The following NOL10 variants were observed in gnomAD, a reference collection of about 807,000 sequenced individuals.
NOL10 encodes nucleolar protein 10.
NOL10 carries 58 observed loss-of-function variants against 103.5 expected under a neutral mutation model. The ratio of observed to expected loss-of-function variants is 0.56; its 90% CI spans 0.45 to 0.70. The LOEUF is 0.70. NOL10 is among the 30% of genes least tolerant of loss of function. NOL10 has a pLI of 0.00. For synonymous variants in NOL10, 287 were observed against 282.5 expected, an observed-to-expected ratio of 1.02 and a Z score of -0.16; for missense variants, 763 against 807.3, an observed-to-expected ratio of 0.95 and a Z score of 0.67.
rs568764646 is a variant in NOL10 at position 10,596,492 on chromosome 2, G to A, written c.1422+4361C>T. 2.6e-5 allele frequency among the ~76,000 whole-genome samples: 4 copies of A among 152,218 alleles called. No homozygotes were observed. In the East Asian group the frequency reaches 5.8e-4, roughly 22 times the overall value. ...GGCATTAGATTCTCATAAGGAGCTC[G>A]CAACCTAGATCCCTCGCATGCGCAG... On this transcript the variant is annotated intron_variant, in intron 17 of 20. Coordinates refer to ENST00000381685, the MANE Select transcript of NOL10 (RefSeq NM_024894.4).
chr2:10,605,180 A>G (rs1676183708), intron 14 of NOL10, among the ~76,000 whole-genome samples: 1 of 152,224 alleles, frequency 6.6e-6, no homozygotes, highest in African/African-American at 2.4e-5. Context: ...AACCCATGTC[A>G]GTCTACCTGT....
chr2:10,655,817 C>T (rs1243348761), intron 11 of NOL10, among the ~76,000 whole-genome samples: 2 of 152,182 alleles, frequency 1.3e-5, no homozygotes, highest in African/African-American at 2.4e-5. Context: ...TAAGTGCCCA[C>T]GGCGAAAAAG....
intron 6 of NOL10, 77 bp from the exon 7 acceptor site, chr2:10,668,800 A>T: frequency 1.8e-6 from 1 of 545,026 alleles, no homozygotes. Context: ...TTATAAATAT[A>T]TATATTACTC....
intron 19 of NOL10, among the ~76,000 whole-genome samples, chr2:10,583,041 C>G (rs1674841446): frequency 6.6e-6 from 1 of 152,194 alleles, no homozygotes; most frequent in Non-Finnish European, 1.5e-5. Flanking sequence ...CTTTTCCCAG[C>G]CTTCATTCCT....
intron 19 of NOL10, among the ~76,000 whole-genome samples, chr2:10,582,076 T>C (rs761220564): frequency 1.4e-4 from 21 of 152,212 alleles, no homozygotes; most frequent in Non-Finnish European, 3.1e-4. Context: ...CAAGATTCTC[T>C]TTTTAAAAAT....
At chr2:10,585,459 T>C (rs1019265070) in intron 19 of NOL10, among the ~76,000 whole-genome samples, 1 of 152,176 alleles carries the variant, frequency 6.6e-6, no homozygotes, top group Non-Finnish European at 1.5e-5. Flanking sequence ...TGAAAACATA[T>C]GCAAAACACA....
chr2:10,681,956 CA>C lies in NOL10; in HGVS notation c.211+14del, dbSNP rs1323623053. 12 of 1,253,262 alleles carry C rather than the reference CA, an allele frequency of 9.6e-6. No homozygotes were observed. 77.6% of individuals were successfully genotyped at this position (1,253,262 alleles called of 1,614,324 possible). On this transcript the variant is annotated intron_variant, in intron 3 of 20. Transcript: ENST00000381685. ...GTACAAAATGCATGAAAATCATAAC[CA>C]AAAAGATGCTTACCAGTTGCTAAAA...
At chr2:10,580,359 T>TCCCCCCCCCCCCCCCCCCC (rs1674681303) in intron 19 of NOL10, among the ~76,000 whole-genome samples, 1 of 111,746 alleles carries the variant, frequency 8.9e-6, no homozygotes, top group Non-Finnish European at 1.8e-5. Flanking sequence ...CCCCCTCCTC[T>TCCCCCCCCCCCCCCCCCCC]CCCCTCCCCC....
chr2:10,622,184 G>A (rs111542267), intron 13 of NOL10: 1 of 470,862 alleles, frequency 2.1e-6, no homozygotes, highest in Non-Finnish European at 4.4e-6. Flanking sequence ...GTTAACACAG[G>A]AAACTATGTA....
intron 17 of NOL10, among the ~76,000 whole-genome samples, chr2:10,594,121 C>G (rs543205105): frequency 3.0e-4 from 44 of 145,746 alleles, no homozygotes; most frequent in African/African-American, 9.8e-4. Context: ...GAAGACCGAA[C>G]TTCTAGACTG....
chr2:10,630,644 G>A (rs1266944687), intron 13 of NOL10, among the ~76,000 whole-genome samples: 1 of 152,146 alleles, frequency 6.6e-6, no homozygotes, highest in African/African-American at 2.4e-5. Flanking sequence ...GAACCTGGGA[G>A]GTGAAGCTTG....
chr2:10,572,304 G>A, intron 20 of NOL10, 114 bp from the exon 21 acceptor site: 1 of 1,134,476 alleles, frequency 8.8e-7, no homozygotes, highest in Middle Eastern at 2.0e-4. Flanking sequence ...GCTGCCAGGA[G>A]AAATGCTGCC....
chr2:10,676,225 T>C (rs917008444), intron 3 of NOL10, among the ~76,000 whole-genome samples: 2 of 152,224 alleles, frequency 1.3e-5, no homozygotes, highest in African/African-American at 4.8e-5. Flanking sequence ...TTGATTAGTA[T>C]ACAATTGATA....
At chr2:10,646,369 C>T (rs114986093) in intron 12 of NOL10, among the ~76,000 whole-genome samples, 4,909 of 152,272 alleles carry the variant, frequency 0.032, 277 homozygotes, top group African/African-American at 0.11. Flanking sequence ...ACCTACCAAA[C>T]AAACCACGGA....
chr2:10,640,782 T>C (rs1167771310), intron 13 of NOL10, among the ~76,000 whole-genome samples: 1 of 152,214 alleles, frequency 6.6e-6, no homozygotes, highest in African/African-American at 2.4e-5. Flanking sequence ...ATAATAGACA[T>C]GTCATAAACC....
intron 20 of NOL10, among the ~76,000 whole-genome samples, chr2:10,574,404 T>C (rs1027034261): frequency 1.3e-5 from 2 of 152,118 alleles, no homozygotes; most frequent in African/African-American, 4.8e-5. Context: ...TCCCAGCACT[T>C]TGGGAGGCTG....
chr2:10,641,084 GC>G (rs1197658928), intron 13 of NOL10, among the ~76,000 whole-genome samples: 1 of 151,736 alleles, frequency 6.6e-6, no homozygotes, highest in African/African-American at 2.4e-5. Context: ...ACTTCAGGAG[GC>G]CGAGGCAGGT....
At chr2:10,649,104 T>G (rs1679282614) in intron 12 of NOL10, among the ~76,000 whole-genome samples, 1 of 152,192 alleles carries the variant, frequency 6.6e-6, no homozygotes, top group South Asian at 2.1e-4. Flanking sequence ...ATTTCAATGA[T>G]TTTCAGGAGA....
chr2:10,659,354 G>C (rs79804785), intron 9 of NOL10, 104 bp from the exon 10 acceptor site: 11 of 356,384 alleles, frequency 3.1e-5, no homozygotes, highest in East Asian at 6.8e-5. Flanking sequence ...GGGGGGGGGG[G>C]AGGAATCACA....
Sources: allele counts gnomAD v4.1 joint callset (sites outside exome capture counted in the v4.1 genomes callset), GRCh38; gene constraint gnomAD v4.1.1; transcripts MANE v1.5; gene names NCBI Gene and HGNC (gene_info 2026-07-23, HGNC 2026-07-21).